The following DNAH14 variants were observed in gnomAD, a reference collection of about 807,000 sequenced individuals.
DNAH14 encodes dynein axonemal heavy chain 14.
DNAH14 carries 478 observed loss-of-function variants against 520.9 expected under a neutral mutation model. The observed-to-expected ratio is 0.92, with a 90% CI of 0.85 to 0.99. DNAH14 has a LOEUF of 0.99. Ranked by LOEUF, DNAH14 falls within the 50% of genes least tolerant of loss-of-function variation. The probability of loss-of-function intolerance (pLI) is 0.00; values close to 1 mark genes in which losing one functional copy is unlikely to be tolerated. For synonymous variants in DNAH14, 1,581 were observed against 1,757.2 expected, an observed-to-expected ratio of 0.90 and a Z score of 2.51; for missense variants, 4,831 against 5,234.5, an observed-to-expected ratio of 0.92 and a Z score of 2.38.
At chr1:225,141,114 G>C (rs1352246328) in intron 28 of DNAH14, 93 bp downstream of exon 28, 32 of 1,305,740 alleles carry the variant, frequency 2.5e-5, no homozygotes, top group Non-Finnish European at 2.9e-5. Context: ...TGTCAAACTT[G>C]AGTTTTAATT....
chr1:225,303,194 T>A lies in DNAH14; in HGVS notation c.8670T>A (p.Ser2890Arg). 1 of 1,526,148 alleles carries A rather than the reference T, an allele frequency of 6.6e-7. No individual in the cohort carries two copies. The highest frequency in any genetic ancestry group is 8.8e-7 in the Non-Finnish European group (1 of 1,137,626). 94.5% of individuals were successfully genotyped at this position (1,526,148 alleles called of 1,614,324 possible). Residue 2890 changes from serine to arginine, a missense_variant, in exon 57 of 86, where the codon AGT becomes AGA. Ser to Arg is a moderately radical substitution (Grantham distance 110, BLOSUM62 -1). Transcript: ENST00000682510. ...YKNLHIFVIM[S>R]PEGPSFRQNC... ...ATCTTCATATTTTTGTGATCATGAG[T>A]CCTGAAGGACCTAGCTTCCGCCAAA...
At chr1:225,171,990 A>C (rs2082731069) in intron 36 of DNAH14, among the ~76,000 whole-genome samples, 1 of 152,184 alleles carries the variant, frequency 6.6e-6, no homozygotes, top group Non-Finnish European at 1.5e-5. Context: ...ATAATCCAGC[A>C]TATAAACAGA....
chr1:225,216,025 G>A (rs186982760), intron 41 of DNAH14, among the ~76,000 whole-genome samples: 7 of 152,308 alleles, frequency 4.6e-5, no homozygotes, highest in Non-Finnish European at 8.8e-5. Flanking sequence ...TTTTTGCAGT[G>A]GCTAGTACTG....
At chr1:225,114,114 TCA>T (rs1476445941) in intron 23 of DNAH14, among the ~76,000 whole-genome samples, 2 of 152,272 alleles carry the variant, frequency 1.3e-5, no homozygotes, top group East Asian at 3.9e-4. Context: ...CCAGAATGTC[TCA>T]GAGTCTCACC....
chr1:225,079,563 T>C lies in DNAH14; in HGVS notation c.2766+15T>C. The stretch of plus-strand genomic sequence containing the variant: ...TAAAAGCCAAGGTAAGTTTTTAGGG[T>C]TTTTTTGGATTTTTTTTTTATTAAA... On this transcript the variant is annotated intron_variant, in intron 18 of 85. Transcript: ENST00000682510. 1 of 1,489,968 alleles carries C rather than the reference T, an allele frequency of 6.7e-7. No homozygotes were observed. 92.3% of individuals were successfully genotyped at this position (1,489,968 alleles called of 1,614,324 possible). A position where few individuals can be genotyped will look rare whatever the true frequency, so the allele number is the denominator to read the frequency against.
chr1:225,207,415 A>G (rs75269117), intron 41 of DNAH14, among the ~76,000 whole-genome samples, 195 bp downstream of exon 41: 1 of 152,242 alleles, frequency 6.6e-6, no homozygotes, highest in African/African-American at 2.4e-5. Context: ...TTAGTATCAT[A>G]CAAGTGTTGA....
chr1:225,114,452 T>C (rs967490562), intron 23 of DNAH14, among the ~76,000 whole-genome samples: 1 of 151,976 alleles, frequency 6.6e-6, no homozygotes, highest in African/African-American at 2.4e-5. Flanking sequence ...CTGCCTGGGG[T>C]TGGGGGAGAG....
At chr1:225,333,581 G>A (rs1033796001) in intron 66 of DNAH14, 75 bp downstream of exon 66, 34 of 1,291,866 alleles carry the variant, frequency 2.6e-5, no homozygotes, top group Non-Finnish European at 3.3e-5. Flanking sequence ...GTGTAGTTTC[G>A]GCCTTGGATG....
chr1:225,070,116 G>A (rs1424916649), intron 17 of DNAH14, among the ~76,000 whole-genome samples: 1 of 151,934 alleles, frequency 6.6e-6, no homozygotes, highest in Non-Finnish European at 1.5e-5. Flanking sequence ...TATTCGTCTA[G>A]CTAGCAGTGT....
intron 55 of DNAH14, among the ~76,000 whole-genome samples, chr1:225,294,712 T>A (rs752768062): frequency 4.0e-4 from 60 of 151,848 alleles, no homozygotes; most frequent in Non-Finnish European, 7.9e-4. Context: ...TAATCCCAGC[T>A]ACTTAGGATA....
chr1:225,335,075 G>A (rs900832181), intron 66 of DNAH14, among the ~76,000 whole-genome samples: 8 of 145,936 alleles, frequency 5.5e-5, no homozygotes, highest in Non-Finnish European at 9.0e-5. Flanking sequence ...TATATATAAC[G>A]TACATATGTA....
At chr1:225,091,877 A>C (rs547873784) in intron 21 of DNAH14, among the ~76,000 whole-genome samples, 1 of 152,264 alleles carries the variant, frequency 6.6e-6, no homozygotes, top group South Asian at 2.1e-4. Flanking sequence ...ATGGAGAAAA[A>C]TCTACCAAGA....
At chr1:225,094,958 C>A (rs977708576) in intron 21 of DNAH14, among the ~76,000 whole-genome samples, 3 of 151,668 alleles carry the variant, frequency 2.0e-5, no homozygotes, top group African/African-American at 7.3e-5. Flanking sequence ...CAAATCAAAA[C>A]CACAATAAGA....
At chr1:225,190,035 C>A (rs1208830760) in intron 37 of DNAH14, among the ~76,000 whole-genome samples, 1 of 151,778 alleles carries the variant, frequency 6.6e-6, no homozygotes, top group Non-Finnish European at 1.5e-5. Flanking sequence ...GTTAAATCTC[C>A]AACCCACAGT....
At chr1:225,272,535 G>A (rs74435594) in intron 51 of DNAH14, among the ~76,000 whole-genome samples, 10,048 of 152,230 alleles carry the variant, frequency 0.066, 393 homozygotes, top group South Asian at 0.095. Flanking sequence ...TCCCCTAACT[G>A]TGGGACTTTA....
In DNAH14 at chr1:225,360,680, G is replaced by T; in HGVS notation, c.11777-1G>T. On this transcript the variant is annotated splice_acceptor_variant, in intron 74 of 85. Coordinates refer to ENST00000682510, the MANE Select transcript of DNAH14 (RefSeq NM_001367479.1). LOFTEE classifies it high-confidence loss of function. ...ATATACCTCTCCACGTTGTTATACA[G>T]GGATCGACCTTACCAATATCCTCCT... is the stretch of plus-strand genomic sequence containing the variant. 6.4e-7 allele frequency: 1 copy of T among 1,551,366 alleles called. No individual in the cohort carries two copies.
intron 73 of DNAH14, chr1:225,357,951 C>T (rs1558510206): frequency 3.1e-6 from 2 of 650,784 alleles, no homozygotes; most frequent in African/African-American, 3.6e-5. Flanking sequence ...TACCCTGAAC[C>T]TCTGTTTACT....
At position 225,207,119 on chromosome 1, in the gene DNAH14, T is replaced by G. The variant is rs1467042488; in HGVS notation, c.6338T>G (p.Phe2113Cys). 6.4e-7 allele frequency: 1 copy of G among 1,551,102 alleles called. No homozygotes were observed. Among genetic ancestry groups the G allele is most frequent in the East Asian group, 2.4e-5 (1 of 40,846 alleles). The change falls in exon 41 of 86, where the codon TTT becomes TGT. Residue 2113 changes from phenylalanine to cysteine, a missense_variant. By Grantham distance (205) the Phe-to-Cys change is radical. Transcript: ENST00000682510. ...GLQFIRNRQKFQPYPMEDITV... is the reference protein window; with the variant it reads ...GLQFIRNRQKCQPYPMEDITV... ...CAATTTATAAGGAATCGTCAGAAAT[T>G]TCAGCCATATCCTATGGAGGACATA... is the stretch of plus-strand genomic sequence containing the variant.
chr1:225,294,891 GTTGT>G (rs544707302), intron 55 of DNAH14, among the ~76,000 whole-genome samples: 102 of 151,320 alleles, frequency 6.7e-4, no homozygotes, highest in African/African-American at 2.2e-3. Flanking sequence ...TGTTGTTGTT[GTTGT>G]TTGTTTGTTT....
Sources: allele counts gnomAD v4.1 joint callset (sites outside exome capture counted in the v4.1 genomes callset), GRCh38; gene constraint gnomAD v4.1.1; transcripts MANE v1.5; gene names NCBI Gene and HGNC (gene_info 2026-07-23, HGNC 2026-07-21).